DDC: variants seen among roughly 807,000 people sequenced by gnomAD.
DDC encodes dopa decarboxylase.
Under a neutral mutation model 60.0 loss-of-function variants are expected in DDC, and 43 were observed. That is an observed-to-expected ratio of 0.72 (90% CI 0.56 to 0.92). The LOEUF (loss-of-function observed/expected upper bound fraction) is 0.92. Ranked by LOEUF, DDC falls within the 40% of genes least tolerant of loss-of-function variation. DDC has a pLI of 0.00. For synonymous variants in DDC, 232 were observed against 234.6 expected, an observed-to-expected ratio of 0.99 and a Z score of 0.10; for missense variants, 573 against 620.2, an observed-to-expected ratio of 0.92 and a Z score of 0.81.
At position 50,482,185 on chromosome 7, in the gene DDC, C is replaced by T. The variant is rs568249291; in HGVS notation, c.945-2322G>A. Among the ~76,000 whole-genome samples the T allele has an allele frequency of 2.6e-5, 4 of 152,342 alleles. No individual in the cohort carries two copies. The East Asian group carries it at 7.7e-4, about 29-fold the overall frequency. On this transcript the variant is annotated intron_variant, in intron 9 of 14. Transcript: ENST00000444124. ...CTCCAAATCAGTCTCCACAACAGTTCTGCAGTCTGCGAGCTCCTCTTCCAT... is the reference window on the plus strand; with the variant it reads ...CTCCAAATCAGTCTCCACAACAGTTTTGCAGTCTGCGAGCTCCTCTTCCAT...
Position 50,528,273 on chromosome 7 carries a change from G to A in DDC, c.578C>T (p.Ser193Phe), listed in dbSNP as rs745500395. The A allele has an allele frequency of 6.2e-7, 1 of 1,613,986 alleles. No individual in the cohort carries two copies. Residue 193 changes from serine (S) to phenylalanine (F), a missense_variant, in exon 6 of 15, where the codon TCC (serine) becomes TTC (phenylalanine). By Grantham distance (155) the Ser-to-Phe change is radical. Coordinates refer to ENST00000444124, the MANE Select transcript of DDC (RefSeq NM_001082971.2). ...LVAYSSDQAH[S>F]SVERAGLIGG... The stretch of plus-strand genomic sequence containing the variant: ...AATTAACCCAGCTCTTTCCACTGAG[G>A]AGTGTGCCTGGAAAGAAGACAGCAG...
chr7:50,479,852 C>T lies in DDC; in HGVS notation c.956G>A (p.Arg319Lys), dbSNP rs765294373. ...TCTAAAGGCTCCCGTTAAGTCTGTT[C>T]TCTTTTTCACCCTGGTTTTAGAGAA... ...FDCSAMWVKK[R>K]TDLTGAFRLD... The change falls in exon 10 of 15, where the codon AGA becomes AAA. Residue 319 changes from arginine (R) to lysine (K), a missense_variant. Arg to Lys is a conservative substitution (Grantham distance 26). Coordinates refer to ENST00000444124, the MANE Select transcript of DDC (RefSeq NM_001082971.2). 1.9e-6 allele frequency: 3 copies of T among 1,613,514 alleles called. No individual in the cohort carries two copies. The highest frequency in any genetic ancestry group is 1.7e-5 in the Admixed American group (1 of 60,002).
intron 6 of DDC, among the ~76,000 whole-genome samples, chr7:50,504,709 CTG>C (rs1221409261): frequency 6.6e-6 from 1 of 151,740 alleles, no homozygotes; most frequent in African/African-American, 2.4e-5. Flanking sequence ...GTGTGTGTGT[CTG>C]TGTGTGTGCA....
At chr7:50,483,669 G>A (rs1052681646) in intron 9 of DDC, among the ~76,000 whole-genome samples, 2 of 152,100 alleles carry the variant, frequency 1.3e-5, no homozygotes, top group African/African-American at 2.4e-5. Context: ...TTGGGAGGCC[G>A]AGGCGGGAGG....
intron 14 of DDC, among the ~76,000 whole-genome samples, chr7:50,461,245 T>C (rs2042267488): frequency 6.6e-6 from 1 of 152,162 alleles, no homozygotes; most frequent in African/African-American, 2.4e-5. Flanking sequence ...TGTATTAGTG[T>C]CAACTAGAAT....
chr7:50,528,382 C>G (rs2044100617), intron 5 of DDC, 102 bp from the exon 6 acceptor site: 8 of 1,459,152 alleles, frequency 5.5e-6, no homozygotes, highest in Non-Finnish European at 7.7e-6. Context: ...AACACAAGGT[C>G]CCTCTTAACG....
At chr7:50,490,976 G>A (rs1490158275) in intron 9 of DDC, among the ~76,000 whole-genome samples, 2 of 152,164 alleles carry the variant, frequency 1.3e-5, no homozygotes, top group South Asian at 2.1e-4. Flanking sequence ...TCTGTAATTA[G>A]AGTCTAGCCT....
At chr7:50,468,470 G>A (rs11575510) in intron 12 of DDC, among the ~76,000 whole-genome samples, 8,002 of 152,240 alleles carry the variant, frequency 0.053, 489 homozygotes, top group African/African-American at 0.15. Flanking sequence ...AATGGGTAGA[G>A]GGGGATTTCC....
At chr7:50,562,216 G>C (rs1345669026) in intron 1 of DDC, among the ~76,000 whole-genome samples, 1 of 152,230 alleles carries the variant, frequency 6.6e-6, no homozygotes, top group Non-Finnish European at 1.5e-5. Context: ...GGGCTGCAGG[G>C]CGGGGACCTG....
At chr7:50,468,499 C>T (rs1562981735) in intron 12 of DDC, among the ~76,000 whole-genome samples, 1 of 152,190 alleles carries the variant, frequency 6.6e-6, no homozygotes, top group African/African-American at 2.4e-5. Context: ...AATTCATATA[C>T]ATACTCCTTT....
Position 50,499,136 on chromosome 7 carries a change from G to A in DDC, c.876+12C>T. On this transcript the variant is annotated intron_variant, in intron 8 of 14. Coordinates refer to ENST00000444124, the MANE Select transcript of DDC (RefSeq NM_001082971.2). ...TGAAAACAGCCTTAGGGAGAGCGAA[G>A]GGTGCACCTACCTCCACTCCATTCA... 1 of 1,605,412 alleles carries A rather than the reference G, an allele frequency of 6.2e-7. No homozygotes were observed. The highest frequency in any genetic ancestry group is 8.5e-7 in the Non-Finnish European group (1 of 1,172,156).
intron 6 of DDC, among the ~76,000 whole-genome samples, chr7:50,517,097 A>G (rs1348117904): frequency 6.6e-6 from 1 of 152,170 alleles, no homozygotes; most frequent in Non-Finnish European, 1.5e-5. Context: ...TAACACCAAA[A>G]CCAGGAAAGG....
intron 3 of DDC, 100 bp downstream of exon 3, chr7:50,539,815 A>G: frequency 3.5e-6 from 3 of 848,550 alleles, no homozygotes; most frequent in Non-Finnish European, 5.9e-6. Context: ...CACAGACAGC[A>G]CCGCCATCTG....
chr7:50,484,655 G>GAA (rs1554417596), intron 9 of DDC, among the ~76,000 whole-genome samples: 3 of 151,704 alleles, frequency 2.0e-5, no homozygotes, highest in African/African-American at 7.3e-5. Context: ...ACATACATGG[G>GAA]CACACACACA....
chr7:50,484,111 A>G (rs2042830395), intron 9 of DDC, among the ~76,000 whole-genome samples: 1 of 152,126 alleles, frequency 6.6e-6, no homozygotes, highest in Non-Finnish European at 1.5e-5. Context: ...CTATTTTCGG[A>G]AATCTCTGAA....
chr7:50,543,222 A>G (rs2044692774), intron 2 of DDC: 1 of 156,176 alleles, frequency 6.4e-6, no homozygotes, highest in East Asian at 1.9e-4. Context: ...ACTTTAACCA[A>G]CAGGCTTTTA....
intron 6 of DDC, among the ~76,000 whole-genome samples, chr7:50,515,703 G>A (rs531328086): frequency 1.3e-5 from 2 of 152,158 alleles, no homozygotes; most frequent in East Asian, 1.9e-4. Flanking sequence ...AACGCATAAG[G>A]ACTCACATAA....
At chr7:50,466,991 G>T (rs539532205) in intron 13 of DDC, among the ~76,000 whole-genome samples, 1 of 152,256 alleles carries the variant, frequency 6.6e-6, no homozygotes, top group Non-Finnish European at 1.5e-5. Flanking sequence ...AGCTATGTAA[G>T]TTAGAAGTCT....
At chr7:50,476,550 G>A in intron 11 of DDC, 74 bp downstream of exon 11, 1 of 1,303,030 alleles carries the variant, frequency 7.7e-7, no homozygotes, top group Non-Finnish European at 1.1e-6. Context: ...TGGGGGAGGA[G>A]ATGTGTGACA....
Sources: gnomAD v4.1 joint callset for allele counts (sites outside exome capture counted in the v4.1 genomes callset) on GRCh38, gnomAD v4.1.1 for gene constraint, MANE v1.5 for transcripts, NCBI Gene and HGNC (gene_info 2026-07-23, HGNC 2026-07-21) for gene names.